CSMD1: variants seen among roughly 807,000 people sequenced by gnomAD.
The protein encoded by CSMD1 is CUB and sushi domain-containing protein 1.
Under a neutral mutation model 417.5 loss-of-function variants are expected in CSMD1, and 213 were observed. The observed-to-expected ratio is 0.51, with a 90% CI of 0.46 to 0.57. The LOEUF is 0.57. Among genes scored for constraint, CSMD1 ranks in the 20% least tolerant of loss-of-function variants. The pLI is 0.00. For missense variants in CSMD1, 6,923 were observed against 4,529.7 expected (o/e 1.53, Z -15.17); for synonymous variants, 2,862 against 1,736.8 (o/e 1.65, Z -16.11).
At position 3,152,894 on chromosome 8, in the gene CSMD1, C is replaced by G. The variant is rs117082370; in HGVS notation, c.5915-1381G>C. Among the ~76,000 whole-genome samples the G allele has an allele frequency of 4.4e-3, 676 of 152,266 alleles. 14 individuals carry two copies. The South Asian group carries it at 0.047, about 11-fold the overall frequency. On this transcript the variant is annotated intron_variant, in intron 39 of 69. Coordinates refer to ENST00000635120, the MANE Select transcript of CSMD1 (RefSeq NM_033225.6). ...TGCCTACATACATTTAGCAGTAACA[C>G]CCTTTCCCTTAGGGCTCGTGGGACC...
intron 3 of CSMD1, among the ~76,000 whole-genome samples, chr8:4,040,141 G>C (rs945729808): frequency 5.9e-5 from 9 of 152,208 alleles, no homozygotes; most frequent in Admixed American, 1.3e-4. Flanking sequence ...AAGGGTATGA[G>C]AGTCAAGGCT....
intron 3 of CSMD1, among the ~76,000 whole-genome samples, chr8:4,185,097 C>A (rs1414062530): frequency 6.9e-6 from 1 of 145,612 alleles, no homozygotes; most frequent in African/African-American, 2.6e-5. Flanking sequence ...CAAGATCGCA[C>A]CACTGCACTC....
chr8:4,326,558 G>C (rs961619301), intron 3 of CSMD1, among the ~76,000 whole-genome samples: 8 of 152,236 alleles, frequency 5.3e-5, no homozygotes, highest in Non-Finnish European at 7.3e-5. Flanking sequence ...ATAAAGGAAA[G>C]TGAACGTTAG....
chr8:3,780,690 G>A (rs767153286), intron 5 of CSMD1, among the ~76,000 whole-genome samples: 7 of 152,194 alleles, frequency 4.6e-5, no homozygotes, highest in Admixed American at 1.3e-4. Flanking sequence ...GTTGTCGGCA[G>A]AAAGAGCCCA....
chr8:3,868,792 T>C (rs1805281737), intron 5 of CSMD1, among the ~76,000 whole-genome samples: 1 of 152,168 alleles, frequency 6.6e-6, no homozygotes, highest in Non-Finnish European at 1.5e-5. Flanking sequence ...CTTCAAAATA[T>C]AAGTAGAATC....
intron 5 of CSMD1, among the ~76,000 whole-genome samples, chr8:3,956,175 C>G (rs1811933482): frequency 6.6e-6 from 1 of 152,300 alleles, no homozygotes. Flanking sequence ...AAAGGTTGTA[C>G]AATTTTGGGG....
intron 11 of CSMD1, among the ~76,000 whole-genome samples, chr8:3,471,219 C>G (rs997441067): frequency 3.9e-5 from 6 of 152,194 alleles, no homozygotes; most frequent in Admixed American, 6.5e-5. Context: ...GTGCATTTAA[C>G]TAATGGGTAA....
chr8:4,391,251 C>G (rs1161252640), intron 3 of CSMD1, among the ~76,000 whole-genome samples: 1 of 152,154 alleles, frequency 6.6e-6, no homozygotes, highest in Non-Finnish European at 1.5e-5. Context: ...CACCATAACT[C>G]CCCCACTCAC....
chr8:4,335,551 G>A (rs1324009817), intron 3 of CSMD1, among the ~76,000 whole-genome samples: 3 of 151,954 alleles, frequency 2.0e-5, no homozygotes, highest in African/African-American at 4.8e-5. Context: ...ATCTAAATTA[G>A]CTTAAAACCT....
chr8:4,204,930 G>T (rs573470764), intron 3 of CSMD1, among the ~76,000 whole-genome samples: 2 of 152,110 alleles, frequency 1.3e-5, no homozygotes, highest in Non-Finnish European at 2.9e-5. Flanking sequence ...AAAGTGCTGG[G>T]ATTACAAATG....
intron 2 of CSMD1, among the ~76,000 whole-genome samples, chr8:4,496,322 C>G (rs1801974782): frequency 6.6e-6 from 1 of 152,146 alleles, no homozygotes; most frequent in South Asian, 2.1e-4. Context: ...TCAAAGGACT[C>G]CTTAGGTTCT....
In CSMD1 at chr8:4,442,730, A is replaced by G. The variant is rs560240673; in HGVS notation, c.303-22665T>C. Among the ~76,000 whole-genome samples the G allele has an allele frequency of 2.0e-5, 3 of 152,244 alleles. No homozygotes were observed. In the East Asian group the frequency reaches 5.8e-4, roughly 29 times the overall value. ...GAAATGTGTATTTGTTGATAATACA[A>G]TCAGTCACTATTTTATGTTTGCATA... On this transcript the variant is annotated intron_variant, in intron 2 of 69. Transcript: ENST00000635120.
At chr8:3,257,594 C>A (rs1800751225) in intron 26 of CSMD1, among the ~76,000 whole-genome samples, 2 of 152,074 alleles carry the variant, frequency 1.3e-5, no homozygotes, top group African/African-American at 4.8e-5. Flanking sequence ...ATGGAAGTTC[C>A]CCTGAGATGA....
At chr8:4,158,036 T>C (rs1796934428) in intron 3 of CSMD1, among the ~76,000 whole-genome samples, 1 of 151,424 alleles carries the variant, frequency 6.6e-6, no homozygotes, top group Admixed American at 6.6e-5. Context: ...CAATGCCTGC[T>C]CAAAGCTCCT....
At chr8:3,462,400 C>A (rs959619529) in intron 12 of CSMD1, among the ~76,000 whole-genome samples, 1 of 152,172 alleles carries the variant, frequency 6.6e-6, no homozygotes, top group African/African-American at 2.4e-5. Flanking sequence ...AGGAGGTGAG[C>A]AGCAGGCAAC....
chr8:4,762,425 A>G (rs1292447878), intron 1 of CSMD1, among the ~76,000 whole-genome samples: 1 of 152,160 alleles, frequency 6.6e-6, no homozygotes, highest in African/African-American at 2.4e-5. Context: ...TTTTCATGCT[A>G]TATCAAACGT....
intron 7 of CSMD1, among the ~76,000 whole-genome samples, chr8:3,706,388 T>C (rs1801171590): frequency 6.6e-6 from 1 of 152,248 alleles, no homozygotes; most frequent in Non-Finnish European, 1.5e-5. Flanking sequence ...TTCTCTGTCA[T>C]ACCTTTCTTT....
chr8:4,149,349 T>A (rs1438871937), intron 3 of CSMD1, among the ~76,000 whole-genome samples: 1 of 152,172 alleles, frequency 6.6e-6, no homozygotes, highest in Non-Finnish European at 1.5e-5. Flanking sequence ...AGTTTGCATT[T>A]CTAAAAAGAT....
chr8:3,430,178 A>G (rs1488357908), intron 12 of CSMD1, among the ~76,000 whole-genome samples: 2 of 152,154 alleles, frequency 1.3e-5, no homozygotes, highest in Admixed American at 6.6e-5. Context: ...GGGAATTCTA[A>G]TATCTCATCT....
Sources: allele counts gnomAD v4.1 joint callset (sites outside exome capture counted in the v4.1 genomes callset), GRCh38; gene constraint gnomAD v4.1.1; transcripts MANE v1.5; gene names NCBI Gene and HGNC (gene_info 2026-07-23, HGNC 2026-07-21).